THSD7B: variants seen among roughly 807,000 people sequenced by gnomAD.
The protein encoded by THSD7B is thrombospondin type-1 domain-containing protein 7B.
In THSD7B, 138 loss-of-function variants were observed where a neutral mutation model predicts 213.6. The observed-to-expected ratio is 0.65, with a 90% CI of 0.56 to 0.74. The LOEUF (loss-of-function observed/expected upper bound fraction) is 0.74, where lower values mean the gene tolerates loss of function less well. Ranked by LOEUF, THSD7B falls within the 30% of genes least tolerant of loss-of-function variation. THSD7B has a pLI of 0.00. For missense variants in THSD7B, 1,931 were observed against 1,991.5 expected, an observed-to-expected ratio of 0.97 and a Z score of 0.58; for synonymous variants, 742 against 687.0, an observed-to-expected ratio of 1.08 and a Z score of -1.25.
chr2:137,414,281 G>GT (rs1686742103), intron 14 of THSD7B, among the ~76,000 whole-genome samples: 1 of 151,830 alleles, frequency 6.6e-6, no homozygotes, highest in Non-Finnish European at 1.5e-5. Context: ...TCAAAAAAAG[G>GT]TTTTTTAAAA....
intron 12 of THSD7B, among the ~76,000 whole-genome samples, chr2:137,311,401 T>C (rs564881052): frequency 1.3e-5 from 2 of 152,266 alleles, no homozygotes; most frequent in African/African-American, 4.8e-5. Context: ...TAAGGAGATT[T>C]TAGACTGAGA....
chr2:136,792,538 A>G (rs1414295916), intron 1 of THSD7B, among the ~76,000 whole-genome samples: 1 of 152,014 alleles, frequency 6.6e-6, no homozygotes, highest in Non-Finnish European at 1.5e-5. Flanking sequence ...GTCTCGTGCC[A>G]ATGCAAGTTT....
At chr2:137,313,318 G>T (rs1218273265) in intron 12 of THSD7B, among the ~76,000 whole-genome samples, 61 of 152,138 alleles carry the variant, frequency 4.0e-4, no homozygotes, top group Non-Finnish European at 6.2e-4. Flanking sequence ...TATCAGAGAT[G>T]AGGATTGCAA....
chr2:136,943,982 A>T (rs1398863820), intron 2 of THSD7B, among the ~76,000 whole-genome samples: 5 of 152,006 alleles, frequency 3.3e-5, no homozygotes, highest in African/African-American at 1.2e-4. Context: ...TTAGGGTGTC[A>T]ATTTTAGATC....
At chr2:137,036,470 ATGT>A (rs1364709060) in intron 2 of THSD7B, among the ~76,000 whole-genome samples, 3 of 152,172 alleles carry the variant, frequency 2.0e-5, no homozygotes, top group African/African-American at 4.8e-5. Context: ...TATCATTCTA[ATGT>A]TGTCAAAGAC....
intron 15 of THSD7B, among the ~76,000 whole-genome samples, chr2:137,531,578 C>T (rs947414404): frequency 1.3e-5 from 2 of 151,796 alleles, no homozygotes; most frequent in Non-Finnish European, 2.9e-5. Context: ...ATAATTATAC[C>T]TTTAATTACC....
intron 13 of THSD7B, among the ~76,000 whole-genome samples, chr2:137,409,460 G>T (rs1432272470): frequency 1.3e-5 from 2 of 152,188 alleles, no homozygotes; most frequent in Non-Finnish European, 2.9e-5. Context: ...GAGAAACGCA[G>T]GAGAAAGAAA....
At chr2:137,171,653 G>T (rs995049585) in intron 7 of THSD7B, among the ~76,000 whole-genome samples, 4 of 152,172 alleles carry the variant, frequency 2.6e-5, no homozygotes, top group East Asian at 1.9e-4. Context: ...TTATTAATCA[G>T]CTCTGCCATG....
chr2:137,656,936 C>T lies in THSD7B; in HGVS notation c.4246C>T (p.Pro1416Ser). ...IQSFENQDSC[P>S]QQVLETRPCT... Reference sequence around the variant, plus strand: ...GTCTTTTGAGAACCAAGACAGCTGCCCCCAACAGGTTCTAGAAACACGCCC... The same window carrying T: ...GTCTTTTGAGAACCAAGACAGCTGCTCCCAACAGGTTCTAGAAACACGCCC... Residue 1416 changes from proline (P) to serine (S), a missense_variant, in exon 23 of 28, where the codon CCC (proline) becomes TCC (serine). Physicochemically the swap from Pro to Ser is moderately conservative, Grantham distance 74. Coordinates refer to ENST00000409968, the MANE Select transcript of THSD7B (RefSeq NM_001316349.2). The T allele has an allele frequency of 6.2e-7, 1 of 1,613,966 alleles. No homozygotes were observed. Among genetic ancestry groups the T allele is most frequent in the Non-Finnish European group, 8.5e-7 (1 of 1,179,866 alleles).
chr2:136,861,615 TAATCA>T (rs914870982), intron 1 of THSD7B, among the ~76,000 whole-genome samples: 1 of 152,158 alleles, frequency 6.6e-6, no homozygotes, highest in Non-Finnish European at 1.5e-5. Context: ...ACCAGCAGAA[TAATCA>T]AATGTCTACT....
At chr2:136,796,842 G>A (rs1038599960) in intron 1 of THSD7B, among the ~76,000 whole-genome samples, 4 of 151,790 alleles carry the variant, frequency 2.6e-5, no homozygotes, top group Non-Finnish European at 4.4e-5. Context: ...TTTTTTAATA[G>A]TAATTTAAAA....
chr2:137,673,698 C>T (rs536133632), intron 27 of THSD7B, among the ~76,000 whole-genome samples: 1 of 152,306 alleles, frequency 6.6e-6, no homozygotes, highest in African/African-American at 2.4e-5. Flanking sequence ...TCAGCTCCTC[C>T]TCCTGAGGTT....
At chr2:137,596,033 T>A (rs1205270384) in intron 17 of THSD7B, among the ~76,000 whole-genome samples, 1 of 151,866 alleles carries the variant, frequency 6.6e-6, no homozygotes, top group African/African-American at 2.4e-5. Flanking sequence ...TACAAAATAG[T>A]CAAATATATT....
chr2:137,518,448 C>A (rs1191313314), intron 15 of THSD7B, among the ~76,000 whole-genome samples: 1 of 152,094 alleles, frequency 6.6e-6, no homozygotes, highest in Non-Finnish European at 1.5e-5. Context: ...TGGGCTGTAG[C>A]CAATGGTTTG....
chr2:137,435,701 G>T (rs1687276599), intron 14 of THSD7B, among the ~76,000 whole-genome samples: 2 of 152,090 alleles, frequency 1.3e-5, no homozygotes. Flanking sequence ...CAAACAATGA[G>T]AAAACACTGA....
intron 15 of THSD7B, among the ~76,000 whole-genome samples, chr2:137,491,495 TTA>T (rs1343547457): frequency 6.6e-6 from 1 of 152,206 alleles, no homozygotes; most frequent in Non-Finnish European, 1.5e-5. Flanking sequence ...TTAATTGTAT[TTA>T]TATGATACCA....
chr2:137,192,057 T>A (rs1278497204), intron 7 of THSD7B, among the ~76,000 whole-genome samples: 1 of 152,170 alleles, frequency 6.6e-6, no homozygotes, highest in African/African-American at 2.4e-5. Context: ...GAGGAATTGC[T>A]GGTGTTATCA....
At chr2:137,480,062 G>C (rs1688272257) in intron 15 of THSD7B, among the ~76,000 whole-genome samples, 1 of 152,152 alleles carries the variant, frequency 6.6e-6, no homozygotes, top group African/African-American at 2.4e-5. Flanking sequence ...ACGAAGTTTG[G>C]CTGAGCAGGC....
At chr2:137,602,743 C>T (rs1682099471) in intron 17 of THSD7B, among the ~76,000 whole-genome samples, 1 of 152,148 alleles carries the variant, frequency 6.6e-6, no homozygotes, top group Non-Finnish European at 1.5e-5. Context: ...AATTAATCTA[C>T]TCATGAGAGT....
Sources: allele counts gnomAD v4.1 joint callset (sites outside exome capture counted in the v4.1 genomes callset), GRCh38; gene constraint gnomAD v4.1.1; transcripts MANE v1.5; gene names NCBI Gene and HGNC (gene_info 2026-07-23, HGNC 2026-07-21).